Variants in FNBP1L observed in about 807,000 individuals in gnomAD.
FNBP1L encodes the protein formin binding protein 1 like.
FNBP1L carries 36 observed loss-of-function variants against 91.2 expected under a neutral mutation model. The observed-to-expected ratio is 0.39, with a 90% CI of 0.30 to 0.52. The LOEUF (loss-of-function observed/expected upper bound fraction) is 0.52. Ranked by LOEUF, FNBP1L falls within the 20% of genes least tolerant of loss-of-function variation. The probability of loss-of-function intolerance (pLI) is 0.66; values close to 1 mark genes in which losing one functional copy is unlikely to be tolerated. For missense variants in FNBP1L, 571 were observed against 732.1 expected, an observed-to-expected ratio of 0.78 and a Z score of 2.54; for synonymous variants, 242 against 237.0, an observed-to-expected ratio of 1.02 and a Z score of -0.19.
intron 1 of FNBP1L, chr1:93,488,519 C>G (rs564821022): frequency 8.5e-5 from 13 of 152,208 alleles, no homozygotes; most frequent in Admixed American, 2.6e-4. Flanking sequence ...TTGGGTCATG[C>G]CAGGTTTATT....
chr1:93,507,938 C>T (rs1670691839), intron 2 of FNBP1L, among the ~76,000 whole-genome samples: 1 of 151,174 alleles, frequency 6.6e-6, no homozygotes, highest in African/African-American at 2.4e-5. Context: ...TGTGAGCCAC[C>T]ACCCCTGGCC....
At chr1:93,508,845 G>C (rs1268364525) in intron 2 of FNBP1L, among the ~76,000 whole-genome samples, 1 of 152,118 alleles carries the variant, frequency 6.6e-6, no homozygotes, top group African/African-American at 2.4e-5. Context: ...AAAAATTTAG[G>C]GATCCAGGTA....
At chr1:93,536,576 T>G (rs930846798) in intron 10 of FNBP1L, 86 bp downstream of exon 10, 2 of 1,234,130 alleles carry the variant, frequency 1.6e-6, no homozygotes, top group African/African-American at 1.5e-5. Flanking sequence ...ATTATAAGGC[T>G]CTCTCCTATA....
chr1:93,552,365 AG>A, intron 16 of FNBP1L, 43 bp from the exon 17 acceptor site: 1 of 1,601,664 alleles, frequency 6.2e-7, no homozygotes, highest in Non-Finnish European at 8.5e-7. Context: ...GTTTTACCAA[AG>A]GTCTTCAGTA....
chr1:93,501,803 TAAAG>T (rs1670447007), intron 2 of FNBP1L, among the ~76,000 whole-genome samples: 1 of 152,236 alleles, frequency 6.6e-6, no homozygotes, highest in Non-Finnish European at 1.5e-5. Context: ...CAGATTATTT[TAAAG>T]AAGGCAGAGA....
intron 1 of FNBP1L, among the ~76,000 whole-genome samples, chr1:93,493,329 A>T (rs1670158784): frequency 6.6e-6 from 1 of 152,202 alleles, no homozygotes; most frequent in South Asian, 2.1e-4. Context: ...AACCACAGGA[A>T]ATTTATTTTT....
At chr1:93,541,200 A>G in intron 11 of FNBP1L, 144 bp downstream of exon 11, 3 of 713,080 alleles carry the variant, frequency 4.2e-6, no homozygotes, top group East Asian at 2.7e-5. Flanking sequence ...ATAGTCCAGC[A>G]TATGCCAGTA....
intron 1 of FNBP1L, among the ~76,000 whole-genome samples, chr1:93,498,082 A>G (rs1670327947): frequency 6.6e-6 from 1 of 152,180 alleles, no homozygotes; most frequent in Non-Finnish European, 1.5e-5. Flanking sequence ...ATATATAAAT[A>G]ACTACATATA....
At chr1:93,529,573 A>G (rs1486726010) in intron 5 of FNBP1L, 79 bp from the exon 6 acceptor site, 3 of 848,398 alleles carry the variant, frequency 3.5e-6, no homozygotes, top group South Asian at 2.1e-5. Flanking sequence ...TATTTCTCCT[A>G]ATGCTCTCTA....
chr1:93,544,244 A>G, intron 12 of FNBP1L, 28 bp downstream of exon 12: 1 of 1,527,990 alleles, frequency 6.5e-7, no homozygotes, highest in Non-Finnish European at 9.0e-7. Context: ...TTTCTCTATC[A>G]TTATTATTTT....
intron 1 of FNBP1L, among the ~76,000 whole-genome samples, chr1:93,471,863 A>T (rs1193762256): frequency 6.6e-6 from 1 of 152,078 alleles, no homozygotes; most frequent in Non-Finnish European, 1.5e-5. Flanking sequence ...ACAACTTTTT[A>T]TTTCAGTTGG....
intron 2 of FNBP1L, among the ~76,000 whole-genome samples, chr1:93,507,093 ACACACACACACACACTCTCTCTCT>A (rs1363024772): frequency 8.1e-4 from 100 of 124,010 alleles, no homozygotes; most frequent in African/African-American, 2.2e-3. Context: ...ACACACACAC[ACACACACACACACACTCTCTCTCT>A]CTCTCTCTCT....
At chr1:93,550,371 A>G (rs1227864807) in intron 15 of FNBP1L, among the ~76,000 whole-genome samples, 5 of 152,114 alleles carry the variant, frequency 3.3e-5, no homozygotes, top group African/African-American at 1.2e-4. Context: ...TAGGGAAGCA[A>G]TTTGGCACGT....
chr1:93,464,015 C>T (rs1668988040), intron 1 of FNBP1L, among the ~76,000 whole-genome samples: 1 of 152,110 alleles, frequency 6.6e-6, no homozygotes, highest in Non-Finnish European at 1.5e-5. Flanking sequence ...GTTTCACTAC[C>T]CTAAAAATCC....
At chr1:93,491,446 G>A (rs1670087904) in intron 1 of FNBP1L, among the ~76,000 whole-genome samples, 1 of 151,986 alleles carries the variant, frequency 6.6e-6, no homozygotes, top group South Asian at 2.1e-4. Flanking sequence ...CTGGAGCACT[G>A]TGGCATGATC....
intron 1 of FNBP1L, among the ~76,000 whole-genome samples, chr1:93,497,068 C>T (rs1275187834): frequency 6.6e-6 from 1 of 152,028 alleles, no homozygotes; most frequent in Non-Finnish European, 1.5e-5. Context: ...TCATGCCATT[C>T]CCTGCCTCAG....
At chr1:93,505,403 G>A (rs1402924125) in intron 2 of FNBP1L, among the ~76,000 whole-genome samples, 2 of 152,158 alleles carry the variant, frequency 1.3e-5, no homozygotes, top group African/African-American at 2.4e-5. Context: ...CCATTGGCTG[G>A]AACGGGACCT....
At chr1:93,510,830 G>T (rs1449554559) in intron 2 of FNBP1L, among the ~76,000 whole-genome samples, 2 of 152,098 alleles carry the variant, frequency 1.3e-5, no homozygotes, top group Admixed American at 6.5e-5. Flanking sequence ...GGAGCCGATG[G>T]GATCAACTGG....
chr1:93,497,897 A>G (rs1228991978), intron 1 of FNBP1L, among the ~76,000 whole-genome samples: 1 of 152,056 alleles, frequency 6.6e-6, no homozygotes, highest in Non-Finnish European at 1.5e-5. Flanking sequence ...TGGGATTACA[A>G]GTGTGAGCCA....
Sources: gnomAD v4.1 joint callset for allele counts (sites outside exome capture counted in the v4.1 genomes callset) on GRCh38, gnomAD v4.1.1 for gene constraint, MANE v1.5 for transcripts, NCBI Gene and HGNC (gene_info 2026-07-23, HGNC 2026-07-21) for gene names.